Variants in CRABP2 observed in about 807,000 individuals in gnomAD.
CRABP2 encodes cellular retinoic acid binding protein 2, also known as cellular retinoic acid-binding protein 2.
In CRABP2, 20 loss-of-function variants were observed where a neutral mutation model predicts 17.9. The observed-to-expected ratio is 1.12, with a 90% CI of 0.79 to 1.63. CRABP2 has a LOEUF of 1.63. Ranked by LOEUF, CRABP2 falls within the 40% of genes most tolerant of loss-of-function variation. The probability of loss-of-function intolerance (pLI) is 0.00; values close to 1 mark genes in which losing one functional copy is unlikely to be tolerated. For synonymous variants in CRABP2, 76 were observed against 66.4 expected (o/e 1.14, Z -0.70); for missense variants, 151 against 168.6 (o/e 0.90, Z 0.58).
At chr1:156,702,810 T>C (rs1648079182) in intron 1 of CRABP2, among the ~76,000 whole-genome samples, 1 of 149,800 alleles carries the variant, frequency 6.7e-6, no homozygotes, top group Admixed American at 6.6e-5. Context: ...TGGGATGGTA[T>C]GTGTTTAGGA....
chr1:156,705,351 A>C lies in CRABP2; in HGVS notation c.70+26T>G, dbSNP rs1456490943. On this transcript the variant is annotated intron_variant, in intron 1 of 3. Coordinates refer to ENST00000368222, the MANE Select transcript of CRABP2 (RefSeq NM_001878.4). The surrounding 1 kb of genome is among the most constrained non-coding windows in gnomAD (Gnocchi z 5.2). ...GGACTCCAGAGCCCCCCCTTGCCCC[A>C]CCTGGGCCCTCGAACATTTCCTTAC... is the stretch of plus-strand genomic sequence containing the variant. 5.0e-6 allele frequency: 8 copies of C among 1,613,390 alleles called. No individual in the cohort carries two copies. In the Middle Eastern group the frequency reaches 6.6e-4, roughly 133 times the overall value.
rs56302238 is a variant in CRABP2, at chr1:156,702,772, CAAAAAAAAAAA to C, written c.71-1731_71-1721del. Among the ~76,000 whole-genome samples the C allele has an allele frequency of 2.5e-5, 2 of 79,846 alleles. 1 individual carries two copies. Among genetic ancestry groups the C allele is most frequent in the Admixed American group, 2.6e-4 (2 of 7,588 alleles). The allele number at this position is 79,846 out of a possible 152,430, so 52.4% of individuals were successfully genotyped here. On this transcript the variant is annotated intron_variant, in intron 1 of 3. Coordinates refer to ENST00000368222, the MANE Select transcript of CRABP2 (RefSeq NM_001878.4). ...GGGCAACAAGAGCAAAACTCTGTCT[CAAAAAAAAAAA>C]AAAAAAAAAAGCCAATTGGGATGGT...
chr1:156,699,748 G>A lies in CRABP2; in HGVS notation c.*278C>T. ...CCCCTTTAGAGAGACCCTGCTCTGGGCTGGTTTGGGGCTAGGACTGCTGAC... is the reference window on the plus strand; with the variant it reads ...CCCCTTTAGAGAGACCCTGCTCTGGACTGGTTTGGGGCTAGGACTGCTGAC... On this transcript the variant is annotated 3_prime_UTR_variant, in exon 4 of 4. Transcript: ENST00000368222. The A allele has an allele frequency of 2.1e-6, 1 of 473,836 alleles. No homozygotes were observed. The highest frequency in any genetic ancestry group is 2.9e-5 in the South Asian group (1 of 34,202). The allele number at this position is 473,836 out of a possible 1,614,324, so 29.4% of individuals were successfully genotyped here.
In CRABP2 at chr1:156,705,267, G is replaced by A. The variant is rs1182125459; in HGVS notation, c.70+110C>T. On this transcript the variant is annotated intron_variant, in intron 1 of 3. Coordinates refer to ENST00000368222, the MANE Select transcript of CRABP2 (RefSeq NM_001878.4). The surrounding 1 kb of genome is among the most constrained non-coding windows in gnomAD (Gnocchi z 5.2). The stretch of plus-strand genomic sequence containing the variant: ...CCTGGCACGTTTTTCGGGGATGCAG[G>A]CACCCAGTGTCTCACGCCCTGATTG... 7 of 1,197,962 alleles carry A rather than the reference G, an allele frequency of 5.8e-6. No homozygotes were observed. The highest frequency in any genetic ancestry group is 1.2e-5 in the South Asian group (1 of 80,062). The allele number at this position is 1,197,962 out of a possible 1,614,324, so 74.2% of individuals were successfully genotyped here.
chr1:156,700,138 G>T, intron 3 of CRABP2, 62 bp from the exon 4 acceptor site: 2 of 1,564,438 alleles, frequency 1.3e-6, no homozygotes, highest in South Asian at 1.1e-5. Flanking sequence ...CTTTGGAGAG[G>T]AGGGTTGAAT....
Position 156,700,588 on chromosome 1 carries a change from TTGGGGCCC to T in CRABP2, c.312_319del (p.Gly105AspfsTer21), listed in dbSNP as rs755508247. 168 of 1,614,036 alleles carry T rather than the reference TTGGGGCCC, an allele frequency of 1.0e-4. No individual in the cohort carries two copies. The highest frequency in any genetic ancestry group is 1.4e-5 in the Non-Finnish European group (16 of 1,180,024). On this transcript the variant is annotated frameshift_variant, in exon 3 of 4. Transcript: ENST00000368222. LOFTEE classifies it high-confidence loss of function. ...GGTCAGTTCTCTGGTCCACGAGGTC[TTGGGGCCC>T]TCTCCCTTCAGGAGCTTCTGCTCAC...
Position 156,705,386 on chromosome 1 carries a change from T to G in CRABP2, c.61A>C (p.Lys21Gln). The G allele has an allele frequency of 1.2e-6, 2 of 1,614,040 alleles. No individual in the cohort carries two copies. Among genetic ancestry groups the G allele is most frequent in the African/African-American group, 2.7e-5 (2 of 75,014 alleles). The change falls in exon 1 of 4, where the codon AAA becomes CAA. Residue 21 changes from lysine to glutamine, a missense_variant. Physicochemically the swap from Lys to Gln is moderately conservative, Grantham distance 53. Transcript: ENST00000368222. This position sits in a 1 kb window ranked among gnomAD's most constrained non-coding sequence, Gnocchi z 5.2. ...TCGAACATTTCCTTACCCAGCACTT[T>G]GAGCAATTCCTCGAAGTTTTCCGAT... ...IRSENFEELL[K>Q]VLGVNVMLRK...
In CRABP2 at chr1:156,699,661, T is replaced by C. The variant is rs1289689894; in HGVS notation, c.*365A>G. ...TAACAAATAAATATTCTAAACTGTA[T>C]AGGCTACAGGGACAAAGGGTAGAAG... On this transcript the variant is annotated 3_prime_UTR_variant, in exon 4 of 4. Transcript: ENST00000368222. 4.3e-6 allele frequency: 1 copy of C among 234,424 alleles called. No individual in the cohort carries two copies. Among genetic ancestry groups the C allele is most frequent in the Non-Finnish European group, 8.3e-6 (1 of 120,628 alleles). The allele number at this position is 234,424 out of a possible 1,614,324, so 14.5% of individuals were successfully genotyped here. A position where few individuals can be genotyped will look rare whatever the true frequency, so the allele number is the denominator to read the frequency against.
Position 156,699,975 on chromosome 1 carries a change from C to A in CRABP2, c.*51G>T, listed in dbSNP as rs1158258773. 1.3e-6 allele frequency: 2 copies of A among 1,583,160 alleles called. No individual in the cohort carries two copies. The highest frequency in any genetic ancestry group is 1.7e-6 in the Non-Finnish European group (2 of 1,161,092). On this transcript the variant is annotated 3_prime_UTR_variant, in exon 4 of 4. Coordinates refer to ENST00000368222, the MANE Select transcript of CRABP2 (RefSeq NM_001878.4). ...GGACGGAGGGGGCAGTGAAGCAGGGCGGTGAGCATGGCCAGTGGTGGGCTT... is the reference window on the plus strand; with the variant it reads ...GGACGGAGGGGGCAGTGAAGCAGGGAGGTGAGCATGGCCAGTGGTGGGCTT...
intron 1 of CRABP2, among the ~76,000 whole-genome samples, chr1:156,702,212 G>A (rs916436794): frequency 6.6e-6 from 1 of 152,024 alleles, no homozygotes; most frequent in South Asian, 2.1e-4. Flanking sequence ...CAGCACTTTG[G>A]GAGGCCGAGG....
chr1:156,705,702 C>T, upstream of CRABP2: 1 of 482,686 alleles, frequency 2.1e-6, no homozygotes. The surrounding 1 kb of genome is among the most constrained non-coding windows in gnomAD (Gnocchi z 5.2). Flanking sequence ...GCGCCCCCGC[C>T]ACCAACCTCT....
rs1286978248 is a variant in CRABP2, at chr1:156,700,858, C to T, written c.249+16G>A. On this transcript the variant is annotated intron_variant, in intron 2 of 3. Coordinates refer to ENST00000368222, the MANE Select transcript of CRABP2 (RefSeq NM_001878.4). ...GGCAATGACGCCATGACCCTGGAGC[C>T]CCTTCTGGCACTCACCTTACAGGGC... 1 of 1,610,476 alleles carries T rather than the reference C, an allele frequency of 6.2e-7. No homozygotes were observed. Among genetic ancestry groups the T allele is most frequent in the Non-Finnish European group, 8.5e-7 (1 of 1,177,442 alleles).
In CRABP2 at chr1:156,700,640, T is replaced by A; in HGVS notation, c.268A>T (p.Ser90Cys). ...TGCTCACAGACCATTTTATTCTCAC[T>A]CTCCCATTTCACCAGGCTCTGCAAG... The part of the protein sequence containing the change: ...RPCKSLVKWE[S>C]ENKMVCEQKL... Residue 90 changes from serine to cysteine, a missense_variant, in exon 3 of 4, where the codon AGT (serine) becomes TGT (cysteine). Ser to Cys is a moderately radical substitution (Grantham distance 112, BLOSUM62 -1). Transcript: ENST00000368222. The A allele has an allele frequency of 6.2e-7, 1 of 1,613,994 alleles. No homozygotes were observed. The highest frequency in any genetic ancestry group is 8.5e-7 in the Non-Finnish European group (1 of 1,179,958).
chr1:156,701,050 C>A lies in CRABP2; in HGVS notation c.73G>T (p.Val25Leu). The A allele has an allele frequency of 2.5e-6, 4 of 1,613,948 alleles. No individual in the cohort carries two copies. In the East Asian group the frequency reaches 8.9e-5, roughly 36 times the overall value. Reference sequence around the variant, plus strand: ...GCAATCTTCCTCAGCATCACATTCACCCCTGTGGGGAGAGAGGAGAGGCTC... The same window carrying A: ...GCAATCTTCCTCAGCATCACATTCAACCCTGTGGGGAGAGAGGAGAGGCTC... ...NFEELLKVLG[V>L]NVMLRKIAVA... Residue 25 changes from valine to leucine, a missense_variant and splice_region_variant, in exon 2 of 4, where the codon GTG becomes TTG. By Grantham distance (32) the Val-to-Leu change is conservative. Transcript: ENST00000368222.
At position 156,705,241 on chromosome 1, in the gene CRABP2, G is replaced by C; in HGVS notation, c.70+136C>G. On this transcript the variant is annotated intron_variant, in intron 1 of 3. Transcript: ENST00000368222. This position sits in a 1 kb window ranked among gnomAD's most constrained non-coding sequence, Gnocchi z 5.2. ...GTGCCCAGAGCCCCGGGACCCGGAC[G>C]CCTGGCACGTTTTTCGGGGATGCAG... 1 of 941,168 alleles carries C rather than the reference G, an allele frequency of 1.1e-6. No homozygotes were observed. The highest frequency in any genetic ancestry group is 2.4e-4 in the Middle Eastern group (1 of 4,168). The allele number at this position is 941,168 out of a possible 1,614,324, so 58.3% of individuals were successfully genotyped here.
upstream of CRABP2, chr1:156,705,665 T>C (rs2102607428): frequency 2.3e-6 from 1 of 428,236 alleles, no homozygotes. This position sits in a 1 kb window ranked among gnomAD's most constrained non-coding sequence, Gnocchi z 5.2. Flanking sequence ...CGCCTCCCGC[T>C]CCGCCCCCCC....
At chr1:156,701,595 G>A (rs965936164) in intron 1 of CRABP2, among the ~76,000 whole-genome samples, 3 of 152,122 alleles carry the variant, frequency 2.0e-5, no homozygotes, top group Non-Finnish European at 2.9e-5. Context: ...TCTACCCACC[G>A]TATCTAGTGC....
intron 1 of CRABP2, among the ~76,000 whole-genome samples, chr1:156,703,878 C>T (rs1194362420): frequency 6.6e-6 from 1 of 152,124 alleles, no homozygotes; most frequent in African/African-American, 2.4e-5. Flanking sequence ...AGCTGAGGGC[C>T]CAGCTTAGCC....
chr1:156,699,903 C>A lies in CRABP2; in HGVS notation c.*123G>T, dbSNP rs569530689. The A allele has an allele frequency of 2.0e-6, 2 of 1,018,744 alleles. No individual in the cohort carries two copies. Among genetic ancestry groups the A allele is most frequent in the Admixed American group, 2.1e-5 (1 of 47,322 alleles). The allele number at this position is 1,018,744 out of a possible 1,614,324, so 63.1% of individuals were successfully genotyped here. A position where few individuals can be genotyped will look rare whatever the true frequency, so the allele number is the denominator to read the frequency against. On this transcript the variant is annotated 3_prime_UTR_variant, in exon 4 of 4. Transcript: ENST00000368222. ...CTGCAAGAGGCATCCCAGTGACCCC[C>A]AGAAGTGACTGGGGTAAGGGGAGCG...
Sources: gnomAD v4.1 joint callset for allele counts (sites outside exome capture counted in the v4.1 genomes callset) on GRCh38, gnomAD v4.1.1 for gene constraint, Gnocchi (gnomAD v3.1) non-coding constraint, MANE v1.5 for transcripts, NCBI Gene and HGNC (gene_info 2026-07-23, HGNC 2026-07-21) for gene names.